TBC1D16: variants seen among roughly 807,000 people sequenced by gnomAD.
TBC1D16 encodes TBC1 domain family member 16, also known as CTD-2529O21.1.
TBC1D16 carries 58 observed loss-of-function variants against 74.7 expected under a neutral mutation model. That is an observed-to-expected ratio of 0.78 (90% confidence interval 0.63 to 0.97). The LOEUF is 0.97. Ranked by LOEUF, TBC1D16 falls within the 50% of genes least tolerant of loss-of-function variation. The probability of loss-of-function intolerance (pLI) is 0.00; values close to 1 mark genes in which losing one functional copy is unlikely to be tolerated. For missense variants in TBC1D16, 1,014 were observed against 1,079.5 expected (o/e 0.94, Z 0.85); for synonymous variants, 493 against 474.7 (o/e 1.04, Z -0.50).
chr17:80,009,950 T>C lies in TBC1D16; in HGVS notation c.779+210A>G, dbSNP rs1230816995. Among the ~76,000 whole-genome samples the C allele has an allele frequency of 6.6e-6, 1 of 152,038 alleles. No homozygotes were observed. Among genetic ancestry groups the C allele is most frequent in the African/African-American group, 2.4e-5 (1 of 41,400 alleles). On this transcript the variant is annotated intron_variant, in intron 3 of 11. Transcript: ENST00000310924. The surrounding 1 kb of genome is among the most constrained non-coding windows in gnomAD (Gnocchi z 5.4). ...GGACACCCCGACGCACCCTTCACAGTCCTCTCAGTGGGGTGTAAAGTGGGG... is the reference window on the plus strand; with the variant it reads ...GGACACCCCGACGCACCCTTCACAGCCCTCTCAGTGGGGTGTAAAGTGGGG...
At chr17:79,973,485 G>A (rs568627639) in intron 3 of TBC1D16, among the ~76,000 whole-genome samples, 9 of 152,252 alleles carry the variant, frequency 5.9e-5, no homozygotes, top group Non-Finnish European at 7.4e-5. Context: ...CAAGGCGGGC[G>A]GATCACAAGG....
chr17:79,935,597 C>G lies in TBC1D16; in HGVS notation c.*5262G>C, dbSNP rs2031538164. The G allele has an allele frequency of 6.6e-6, 1 of 152,284 alleles. No homozygotes were observed. Among genetic ancestry groups the G allele is most frequent in the Non-Finnish European group, 1.5e-5 (1 of 68,074 alleles). 9.4% of individuals were successfully genotyped at this position (152,284 alleles called of 1,614,324 possible). A position where few individuals can be genotyped will look rare whatever the true frequency, so the allele number is the denominator to read the frequency against. On this transcript the variant is annotated 3_prime_UTR_variant, in exon 12 of 12. Transcript: ENST00000310924. The stretch of plus-strand genomic sequence containing the variant: ...CGTGCTTTGACCCAGCAAGTCCCAC[C>G]GCACCTTCCAGAGGCACTGTACAGC...
intron 3 of TBC1D16, among the ~76,000 whole-genome samples, chr17:79,991,378 G>C (rs1471977570): frequency 6.6e-6 from 1 of 152,076 alleles, no homozygotes; most frequent in Non-Finnish European, 1.5e-5. Flanking sequence ...AGGTGGGGTG[G>C]GGTGAGGTTG....
At chr17:79,999,275 G>A (rs2144580809) in intron 3 of TBC1D16, among the ~76,000 whole-genome samples, 1 of 151,848 alleles carries the variant, frequency 6.6e-6, no homozygotes, top group African/African-American at 2.4e-5. Flanking sequence ...AAAAATTAAT[G>A]GAACACAGCC....
chr17:79,944,856 G>A lies in TBC1D16; in HGVS notation c.1908+52C>T. The A allele has an allele frequency of 6.7e-7, 1 of 1,486,286 alleles. No individual in the cohort carries two copies. Among genetic ancestry groups the A allele is most frequent in the Non-Finnish European group, 9.0e-7 (1 of 1,109,356 alleles). The allele number at this position is 1,486,286 out of a possible 1,614,324, so 92.1% of individuals were successfully genotyped here. ...GGCAGCAGGCAGGGTGGCCACGGTG[G>A]TTCAGGGGCCATGGTCCCAACCTCC... On this transcript the variant is annotated intron_variant, in intron 10 of 11. Transcript: ENST00000310924. This position sits in a 1 kb window ranked among gnomAD's most constrained non-coding sequence, Gnocchi z 7.7.
intron 1 of TBC1D16, among the ~76,000 whole-genome samples, chr17:80,018,954 C>T (rs915515141): frequency 2.0e-5 from 3 of 150,152 alleles, no homozygotes; most frequent in Admixed American, 6.6e-5. Flanking sequence ...CACTTAAGCA[C>T]GTCAAAGTTC....
intron 4 of TBC1D16, chr17:79,952,246 C>G (rs539903664): frequency 8.4e-5 from 14 of 166,582 alleles, no homozygotes; most frequent in Non-Finnish European, 1.2e-4. Flanking sequence ...AACTAGGCAT[C>G]GCCCACCCAT....
In TBC1D16 at chr17:80,009,176, C is replaced by T. The variant is rs2035787137; in HGVS notation, c.779+984G>A. Among the ~76,000 whole-genome samples the T allele has an allele frequency of 6.6e-6, 1 of 152,244 alleles. No individual in the cohort carries two copies. The highest frequency in any genetic ancestry group is 1.5e-5 in the Non-Finnish European group (1 of 68,040). On this transcript the variant is annotated intron_variant, in intron 3 of 11. Coordinates refer to ENST00000310924, the MANE Select transcript of TBC1D16 (RefSeq NM_019020.4). This position sits in a 1 kb window ranked among gnomAD's most constrained non-coding sequence, Gnocchi z 5.4. ...AGACCACCCACGTCCAGCATGCGCC[C>T]GGCTCACACCACGAGCTCAACAGTT...
chr17:80,027,521 C>G (rs2036618742), intron 1 of TBC1D16, among the ~76,000 whole-genome samples: 1 of 152,070 alleles, frequency 6.6e-6, no homozygotes. Context: ...ATCGCTCGAC[C>G]CTGGGAGTTG....
chr17:79,949,379 G>C (rs974961295), intron 7 of TBC1D16, among the ~76,000 whole-genome samples: 1 of 152,248 alleles, frequency 6.6e-6, no homozygotes, highest in East Asian at 1.9e-4. Context: ...CAGATCCCAA[G>C]TGGGACACAG....
At position 80,035,397 on chromosome 17, in the gene TBC1D16, G is replaced by C. The variant is rs1050012531; in HGVS notation, c.-63+398C>G. 6.6e-6 allele frequency among the ~76,000 whole-genome samples: 1 copy of C among 152,024 alleles called. No homozygotes were observed. Among genetic ancestry groups the C allele is most frequent in the Non-Finnish European group, 1.5e-5 (1 of 67,968 alleles). On this transcript the variant is annotated intron_variant, in intron 1 of 11. Transcript: ENST00000310924. The surrounding 1 kb of genome is among the most constrained non-coding windows in gnomAD (Gnocchi z 5.3). ...GACGCACACTTTGGAGGCTGTGTGG[G>C]CGCGCGCCGGCACCCCACAAGTTCT... is the stretch of plus-strand genomic sequence containing the variant.
intron 8 of TBC1D16, among the ~76,000 whole-genome samples, chr17:79,948,036 C>A (rs748819221): frequency 2.0e-5 from 3 of 152,206 alleles, no homozygotes; most frequent in Non-Finnish European, 4.4e-5. Flanking sequence ...CCTGGCCGGG[C>A]GCGGTGGCCC....
chr17:80,019,699 A>G (rs1171913812), intron 1 of TBC1D16, among the ~76,000 whole-genome samples: 1 of 149,782 alleles, frequency 6.7e-6, no homozygotes, highest in Non-Finnish European at 1.5e-5. Context: ...ACACACTCAG[A>G]GAAGGAAAAG....
rs1479586736 is a variant in TBC1D16, at chr17:79,937,680, C to T, written c.*3179G>A. ...AGTCAGAACCTTCTGGAGCAGTACG[C>T]ATTTCCCCTCTGCACCTGGTGAGGA... On this transcript the variant is annotated 3_prime_UTR_variant, in exon 12 of 12. Coordinates refer to ENST00000310924, the MANE Select transcript of TBC1D16 (RefSeq NM_019020.4). 1 of 152,308 alleles carries T rather than the reference C, an allele frequency of 6.6e-6. No individual in the cohort carries two copies. The highest frequency in any genetic ancestry group is 1.5e-5 in the Non-Finnish European group (1 of 68,096). 9.4% of individuals were successfully genotyped at this position (152,308 alleles called of 1,614,324 possible).
intron 3 of TBC1D16, among the ~76,000 whole-genome samples, chr17:79,953,407 T>C (rs1358686192): frequency 6.6e-6 from 1 of 152,270 alleles, no homozygotes; most frequent in Non-Finnish European, 1.5e-5. Context: ...ACTATGGGCC[T>C]GGCCCTGAGC....
rs1310169990 is a variant in TBC1D16 at position 79,951,353 on chromosome 17, C to T, written c.1089+97G>A. On this transcript the variant is annotated intron_variant, in intron 5 of 11. Coordinates refer to ENST00000310924, the MANE Select transcript of TBC1D16 (RefSeq NM_019020.4). ...GTCACACCCCGTAAGCCCCCGGGGC[C>T]CGGGGACCCCAGACACAGGACCCAG... is the stretch of plus-strand genomic sequence containing the variant. 4 of 1,466,582 alleles carry T rather than the reference C, an allele frequency of 2.7e-6. No homozygotes were observed. In the African/African-American group the frequency reaches 4.3e-5, roughly 16 times the overall value. 90.8% of individuals were successfully genotyped at this position (1,466,582 alleles called of 1,614,324 possible).
At chr17:80,005,561 G>C (rs1042082196) in intron 3 of TBC1D16, among the ~76,000 whole-genome samples, 1 of 152,240 alleles carries the variant, frequency 6.6e-6, no homozygotes, top group African/African-American at 2.4e-5. Flanking sequence ...CCCCGGCTCG[G>C]GGAAGCTCAG....
chr17:80,010,594 G>A lies in TBC1D16; in HGVS notation c.345C>T (p.Arg115=), dbSNP rs1280492251. The A allele has an allele frequency of 1.9e-6, 3 of 1,590,286 alleles. No homozygotes were observed. The highest frequency in any genetic ancestry group is 2.3e-5 in the South Asian group (2 of 87,802). ...VRKAPRPRGR[R]TRSSGASHQP... is the part of the protein sequence containing the mutation. ...GGTGGGAGGCTCCTGAGCTCCGGGTGCGCCGGCCCCGAGGGCGGGGTGCCT... is the reference window on the plus strand; with the variant it reads ...GGTGGGAGGCTCCTGAGCTCCGGGTACGCCGGCCCCGAGGGCGGGGTGCCT... Residue 115 remains arginine, a synonymous_variant, in exon 3 of 12, where the codon CGC becomes CGT. Transcript: ENST00000310924. This position sits in a 1 kb window ranked among gnomAD's most constrained non-coding sequence, Gnocchi z 8.8.
At position 79,956,191 on chromosome 17, in the gene TBC1D16, C is replaced by T. The variant is rs980003889; in HGVS notation, c.780-3373G>A. On this transcript the variant is annotated intron_variant, in intron 3 of 11. Coordinates refer to ENST00000310924, the MANE Select transcript of TBC1D16 (RefSeq NM_019020.4). The surrounding 1 kb of genome is among the most constrained non-coding windows in gnomAD (Gnocchi z 4.0). Reference sequence around the variant, plus strand: ...CCTGAGTGAACTCCAGGGAGCCCAGCGCAACAGCCTGTCCCAGCCCAGCCC... The same window carrying T: ...CCTGAGTGAACTCCAGGGAGCCCAGTGCAACAGCCTGTCCCAGCCCAGCCC... Among the ~76,000 whole-genome samples, 2 of 152,194 alleles carry T rather than the reference C, an allele frequency of 1.3e-5. No individual in the cohort carries two copies. The highest frequency in any genetic ancestry group is 2.9e-5 in the Non-Finnish European group (2 of 68,040).
Sources: allele counts gnomAD v4.1 joint callset (sites outside exome capture counted in the v4.1 genomes callset), GRCh38; gene constraint gnomAD v4.1.1; non-coding constraint Gnocchi (gnomAD v3.1); transcripts MANE v1.5; gene names NCBI Gene and HGNC (gene_info 2026-07-23, HGNC 2026-07-21).